The following KCNQ2 variants were observed in gnomAD, a reference collection of about 807,000 sequenced individuals.
KCNQ2 encodes the protein potassium voltage-gated channel subfamily Q member 2.
KCNQ2 carries 14 observed loss-of-function variants against 84.8 expected under a neutral mutation model. The ratio of observed to expected loss-of-function variants is 0.17; its 90% CI spans 0.11 to 0.26. KCNQ2 has a LOEUF of 0.26. Ranked by LOEUF, KCNQ2 falls within the 10% of genes least tolerant of loss-of-function variation. The pLI, the probability that KCNQ2 is intolerant of heterozygous loss-of-function variation, is 1.00. For missense variants in KCNQ2, 788 were observed against 1,254.0 expected (o/e 0.63, Z 5.61); for synonymous variants, 599 against 554.1 (o/e 1.08, Z -1.14).
intron 12 of KCNQ2, among the ~76,000 whole-genome samples, chr20:63,416,949 A>G (rs2080317296): frequency 6.6e-6 from 1 of 152,146 alleles, no homozygotes; most frequent in Admixed American, 6.5e-5. Context: ...CTCTGAGAGA[A>G]AGAAAGAAGC....
intron 5 of KCNQ2, 26 bp from the exon 6 acceptor site, chr20:63,439,734 A>G: frequency 6.5e-7 from 1 of 1,542,236 alleles, no homozygotes; most frequent in Non-Finnish European, 9.0e-7. Context: ...CTCTAGTCAC[A>G]CGAAGGGCCT....
At chr20:63,410,520 C>T (rs1235482424) in intron 15 of KCNQ2, among the ~76,000 whole-genome samples, 2 of 152,202 alleles carry the variant, frequency 1.3e-5, no homozygotes, top group Non-Finnish European at 2.9e-5. Context: ...TGCGGCAAGG[C>T]ACAGGAGGAC....
intron 5 of KCNQ2, among the ~76,000 whole-genome samples, chr20:63,440,867 G>C (rs951944695): frequency 8.6e-5 from 13 of 152,034 alleles, no homozygotes; most frequent in Non-Finnish European, 1.6e-4. Flanking sequence ...GTGGGCGGGA[G>C]GCTGGGCGAG....
intron 9 of KCNQ2, 32 bp from the exon 10 acceptor site, chr20:63,428,467 T>C: frequency 6.4e-7 from 1 of 1,552,340 alleles, no homozygotes; most frequent in Non-Finnish European, 8.8e-7. Flanking sequence ...GGAGTGAGCG[T>C]CTCACCCTCC....
intron 9 of KCNQ2, among the ~76,000 whole-genome samples, chr20:63,430,387 C>T (rs1380950674): frequency 6.6e-6 from 1 of 152,136 alleles, no homozygotes; most frequent in Non-Finnish European, 1.5e-5. Context: ...CACCACTGCC[C>T]AGCACTGCAC....
intron 1 of KCNQ2, chr20:63,471,247 C>G (rs1054427947): frequency 6.6e-6 from 1 of 152,324 alleles, no homozygotes; most frequent in African/African-American, 2.4e-5. Context: ...AGCGCCCTGG[C>G]GCGGGGAGGC....
intron 1 of KCNQ2, among the ~76,000 whole-genome samples, chr20:63,447,644 G>C (rs2081473845): frequency 6.6e-6 from 1 of 151,888 alleles, no homozygotes. Context: ...GCGCAGGCTG[G>C]AGTGCAATGG....
At chr20:63,413,703 C>CAA in intron 14 of KCNQ2, 122 bp from the exon 15 acceptor site, 1 of 1,122,204 alleles carries the variant, frequency 8.9e-7, no homozygotes, top group Non-Finnish European at 1.3e-6. Context: ...CCCCTCTTGT[C>CAA]TGCCGCCCAC....
chr20:63,431,367 G>C lies in KCNQ2; in HGVS notation c.1121C>G (p.Ser374Trp). ...GGAGGCCCCGTAGGTTTGAGTTTGC[G>C]AACTTTCAAGTGTTTCCACACACAC... is the stretch of plus-strand genomic sequence containing the variant. ...ERTVTVPMYSSQTQTYGASRL... is the reference protein window; with the variant it reads ...ERTVTVPMYSWQTQTYGASRL... The change falls in exon 9 of 17, where the codon TCG becomes TGG. Residue 374 changes from serine (S) to tryptophan (W), a missense_variant and splice_region_variant. Around this residue, in one of 8 missense-constraint regions of KCNQ2, gnomAD observed 202 missense variants for 239.4 expected, o/e 0.84. Transcript: ENST00000359125. 1.2e-6 allele frequency: 2 copies of C among 1,613,730 alleles called. No individual in the cohort carries two copies. Among genetic ancestry groups the C allele is most frequent in the Non-Finnish European group, 1.7e-6 (2 of 1,179,896 alleles).
chr20:63,426,029 C>T (rs914756543), intron 10 of KCNQ2, among the ~76,000 whole-genome samples: 2 of 152,238 alleles, frequency 1.3e-5, no homozygotes, highest in Non-Finnish European at 1.5e-5. Flanking sequence ...TCAGCCCCGC[C>T]GGCCTCTGCG....
rs2079802283 is a variant in KCNQ2, at chr20:63,401,218, T to C, written c.*5426A>G. 3 of 215,110 alleles carry C rather than the reference T, an allele frequency of 1.4e-5. No homozygotes were observed. The highest frequency in any genetic ancestry group is 2.7e-5 in the Non-Finnish European group (3 of 109,664). The allele number at this position is 215,110 out of a possible 1,614,324, so 13.3% of individuals were successfully genotyped here. A position where few individuals can be genotyped will look rare whatever the true frequency, so the allele number is the denominator to read the frequency against. ...TCTGAAGAGGCCCCTCCATCCCAAA[T>C]GGTCCCCTCCCGTCTCTCCTCCTCC... On this transcript the variant is annotated 3_prime_UTR_variant, in exon 17 of 17. Transcript: ENST00000359125.
Position 63,438,825 on chromosome 20 carries a change from G to A in KCNQ2, c.928-105C>T. 2.5e-6 allele frequency: 2 copies of A among 806,286 alleles called. No homozygotes were observed. Among genetic ancestry groups the A allele is most frequent in the Non-Finnish European group, 2.0e-6 (1 of 489,170 alleles). The allele number at this position is 806,286 out of a possible 1,614,324, so 49.9% of individuals were successfully genotyped here. On this transcript the variant is annotated intron_variant, in intron 6 of 16. Transcript: ENST00000359125. The surrounding 1 kb of genome is among the most constrained non-coding windows in gnomAD (Gnocchi z 5.1). ...CCCACACCCCCCCCAATTCATCAGG[G>A]TCAGACCACACTCCAGAGACTCACA...
At chr20:63,445,123 G>A (rs899208384) in intron 3 of KCNQ2, 115 bp downstream of exon 3, 9 of 1,401,294 alleles carry the variant, frequency 6.4e-6, no homozygotes, top group South Asian at 1.2e-5. Context: ...TCCAGAAGGA[G>A]CCAGTCCTGC....
chr20:63,412,031 T>G, intron 15 of KCNQ2: 1 of 589,806 alleles, frequency 1.7e-6, no homozygotes, highest in Admixed American at 3.1e-5. Context: ...GGACGCCGCC[T>G]CGCTGGACCT....
At chr20:63,442,254 C>G in intron 5 of KCNQ2, 152 bp downstream of exon 5, 1 of 1,101,978 alleles carries the variant, frequency 9.1e-7, no homozygotes, top group South Asian at 1.3e-5. Context: ...ACCACCACCC[C>G]GCCTCGACCA....
chr20:63,437,323 C>A (rs1568923466), intron 7 of KCNQ2: 1 of 152,264 alleles, frequency 6.6e-6, no homozygotes, highest in Non-Finnish European at 1.5e-5. Flanking sequence ...AACCTTTTCA[C>A]CACACGTACG....
chr20:63,445,176 G>A, intron 3 of KCNQ2, 62 bp downstream of exon 3: 1 of 1,611,092 alleles, frequency 6.2e-7, no homozygotes, highest in Non-Finnish European at 8.5e-7. Flanking sequence ...TCCCCCCAGG[G>A]CTGAGTCCGT....
In KCNQ2 at chr20:63,404,472, C is replaced by A. The variant is rs2079882463; in HGVS notation, c.*2172G>T. 1 of 152,378 alleles carries A rather than the reference C, an allele frequency of 6.6e-6. No homozygotes were observed. The highest frequency in any genetic ancestry group is 1.5e-5 in the Non-Finnish European group (1 of 68,186). The allele number at this position is 152,378 out of a possible 1,614,324, so 9.4% of individuals were successfully genotyped here. A position where few individuals can be genotyped will look rare whatever the true frequency, so the allele number is the denominator to read the frequency against. ...ACCTGCAGGGGGACACACAGCACAG[C>A]CTCCCTCCACTGCCAGGTCTCCCTT... On this transcript the variant is annotated 3_prime_UTR_variant, in exon 17 of 17. Transcript: ENST00000359125.
chr20:63,442,967 A>G (rs2081257160), intron 4 of KCNQ2, among the ~76,000 whole-genome samples: 1 of 124,970 alleles, frequency 8.0e-6, no homozygotes, highest in Admixed American at 7.6e-5. Flanking sequence ...CATCACCACC[A>G]CCACCACCAT....
Sources: allele counts gnomAD v4.1 joint callset (sites outside exome capture counted in the v4.1 genomes callset), GRCh38; gene constraint gnomAD v4.1.1; regional missense constraint gnomAD v4.1.1; non-coding constraint Gnocchi (gnomAD v3.1); transcripts MANE v1.5; gene names NCBI Gene and HGNC (gene_info 2026-07-23, HGNC 2026-07-21).